Variants in OARD1 observed in about 807,000 individuals in gnomAD.
OARD1 encodes ADP-ribose glycohydrolase OARD1.
Under a neutral mutation model 19.7 loss-of-function variants are expected in OARD1, and 19 were observed. That is an observed-to-expected ratio of 0.96 (90% CI 0.67 to 1.41). The LOEUF (loss-of-function observed/expected upper bound fraction) is 1.41. Ranked by LOEUF, OARD1 falls within the 40% of genes most tolerant of loss-of-function variation. OARD1 has a pLI of 0.00. For synonymous variants in OARD1, 70 were observed against 61.8 expected (o/e 1.13, Z -0.62); for missense variants, 190 against 183.8 (o/e 1.03, Z -0.20).
intron 5 of OARD1, among the ~76,000 whole-genome samples, 156 bp downstream of exon 5, chr6:41,068,685 C>T (rs1168777467): frequency 6.6e-6 from 1 of 152,248 alleles, no homozygotes; most frequent in Non-Finnish European, 1.5e-5. Flanking sequence ...AGTCTAAAGC[C>T]AGACAACTGG....
chr6:41,090,422 C>CAAA, intron 1 of OARD1: 4 of 449,534 alleles, frequency 8.9e-6, no homozygotes, highest in Non-Finnish European at 1.6e-5. Flanking sequence ...ATTTTTTGGA[C>CAAA]AAAAAAAAAA....
At chr6:41,080,651 C>T (rs971467999) in intron 1 of OARD1, among the ~76,000 whole-genome samples, 3 of 152,180 alleles carry the variant, frequency 2.0e-5, no homozygotes, top group African/African-American at 7.2e-5. Context: ...TATCTTTAAT[C>T]CTACTACCTT....
At chr6:41,097,334 C>A in intron 1 of OARD1, 1 of 1,613,276 alleles carries the variant, frequency 6.2e-7, no homozygotes, top group South Asian at 1.1e-5. Flanking sequence ...GGACTTTAAT[C>A]ATCATGTCAT....
chr6:41,093,328 T>TA (rs1251907992), intron 1 of OARD1, among the ~76,000 whole-genome samples: 5 of 152,180 alleles, frequency 3.3e-5, no homozygotes, highest in Non-Finnish European at 7.4e-5. Context: ...AGTCCAGAGA[T>TA]AAATTATCCT....
intron 1 of OARD1, chr6:41,083,969 G>C (rs1018881855): frequency 4.0e-5 from 56 of 1,405,224 alleles, no homozygotes; most frequent in Non-Finnish European, 4.4e-5. Flanking sequence ...CAGCAGAATA[G>C]TTCCAGTGAT....
rs898574872 is a variant in OARD1, at chr6:41,066,298, T to C, written c.*1037A>G. On this transcript the variant is annotated 3_prime_UTR_variant, in exon 6 of 6. Transcript: ENST00000424266. ...TGCACCACCAGGCCCAGCTAATTTT[T>C]AATTTCTTTTTTTTTTGTAGAGACA... 1 of 151,686 alleles carries C rather than the reference T, an allele frequency of 6.6e-6. No homozygotes were observed. Among genetic ancestry groups the C allele is most frequent in the African/African-American group, 2.4e-5 (1 of 40,994 alleles). 9.4% of individuals were successfully genotyped at this position (151,686 alleles called of 1,614,324 possible). A position where few individuals can be genotyped will look rare whatever the true frequency, so the allele number is the denominator to read the frequency against.
At chr6:41,073,742 G>A (rs1763626222), upstream of OARD1, among the ~76,000 whole-genome samples, 1 of 152,076 alleles carries the variant, frequency 6.6e-6, no homozygotes, top group African/African-American at 2.4e-5. Flanking sequence ...TCCCTGGTGG[G>A]GAGAGGGGGC....
chr6:41,071,294 G>T lies in OARD1; in HGVS notation c.40-18C>A, dbSNP rs752080947. ...TAAGTGATCTAAAAAATGTGCAAAG[G>T]AAAAGACAATGTTTTATTAGATACA... is the stretch of plus-strand genomic sequence containing the variant. On this transcript the variant is annotated intron_variant, in intron 2 of 5. Coordinates refer to ENST00000424266, the MANE Select transcript of OARD1 (RefSeq NM_001329686.2). The T allele has an allele frequency of 8.7e-6, 14 of 1,611,268 alleles. No individual in the cohort carries two copies. Among genetic ancestry groups the T allele is most frequent in the Middle Eastern group, 1.7e-4 (1 of 6,052 alleles).
intron 1 of OARD1, among the ~76,000 whole-genome samples, chr6:41,086,090 T>A (rs1335824056): frequency 1.3e-5 from 2 of 152,198 alleles, no homozygotes; most frequent in Non-Finnish European, 2.9e-5. Context: ...TATTGCTATA[T>A]CCTTTCTGTT....
At chr6:41,081,084 C>A (rs940381263) in intron 1 of OARD1, among the ~76,000 whole-genome samples, 1 of 152,224 alleles carries the variant, frequency 6.6e-6, no homozygotes, top group Non-Finnish European at 1.5e-5. Flanking sequence ...CATATAGAGA[C>A]CCCGTATCAA....
Position 41,078,681 on chromosome 6 carries a change from T to A in OARD1, c.-41-7006A>T, listed in dbSNP as rs12201865. On this transcript the variant is annotated intron_variant, in intron 1 of 4. Transcript: ENST00000480585. ...ATTACGTGTTACAACTTAAAGAAGC[T>A]TTATTCTCTAAAGTATATGTGCAAA... Among the ~76,000 whole-genome samples the A allele has an allele frequency of 5.8e-3, 888 of 152,332 alleles. 4 individuals are homozygous for A. The highest frequency in any genetic ancestry group is 9.7e-3 in the Non-Finnish European group (661 of 68,032).
At chr6:41,080,578 A>T (rs1159030931) in intron 1 of OARD1, among the ~76,000 whole-genome samples, 1 of 152,198 alleles carries the variant, frequency 6.6e-6, no homozygotes, top group Non-Finnish European at 1.5e-5. Context: ...TGTGTTAATG[A>T]TGACAACTGT....
chr6:41,089,857 T>G (rs1379288136), intron 1 of OARD1: 1 of 1,122,474 alleles, frequency 8.9e-7, no homozygotes, highest in East Asian at 2.7e-5. Flanking sequence ...CGGTGGCTCA[T>G]GCCTGTAATC....
upstream of OARD1, among the ~76,000 whole-genome samples, chr6:41,074,817 T>A (rs2114080460): frequency 6.6e-6 from 1 of 152,348 alleles, no homozygotes; most frequent in South Asian, 2.1e-4. Context: ...GTTTATGGGT[T>A]CTGCCCCGTG....
chr6:41,071,722 T>C (rs969446641), intron 1 of OARD1, 47 bp from the exon 2 acceptor site: 1 of 1,080,536 alleles, frequency 9.3e-7, no homozygotes. Flanking sequence ...AGCCTTAGTA[T>C]ATAATATTCT....
chr6:41,074,971 T>A (rs917108755), upstream of OARD1, among the ~76,000 whole-genome samples: 1 of 151,510 alleles, frequency 6.6e-6, no homozygotes, highest in African/African-American at 2.4e-5. Context: ...TCACATTTAA[T>A]GTTATACAAC....
chr6:41,077,194 T>G (rs1763758077), upstream of OARD1, among the ~76,000 whole-genome samples: 1 of 152,166 alleles, frequency 6.6e-6, no homozygotes, highest in Non-Finnish European at 1.5e-5. Flanking sequence ...CTAAAAGACA[T>G]TCCTTTCATG....
intron 1 of OARD1, among the ~76,000 whole-genome samples, chr6:41,078,271 T>C (rs1043054974): frequency 1.3e-5 from 2 of 152,242 alleles, no homozygotes; most frequent in Non-Finnish European, 2.9e-5. Flanking sequence ...TTGCAAATGA[T>C]TAATTCCACC....
intron 1 of OARD1, among the ~76,000 whole-genome samples, chr6:41,090,527 A>C (rs994831152): frequency 1.3e-5 from 2 of 152,212 alleles, no homozygotes; most frequent in African/African-American, 4.8e-5. Context: ...AGTGGTTGCT[A>C]ATCTAGGGAT....
Sources: allele counts gnomAD v4.1 joint callset (sites outside exome capture counted in the v4.1 genomes callset), GRCh38; gene constraint gnomAD v4.1.1; transcripts MANE v1.5; gene names NCBI Gene and HGNC (gene_info 2026-07-23, HGNC 2026-07-21).